Variants in MED27 observed in about 807,000 individuals in gnomAD.
MED27 encodes mediator of RNA polymerase II transcription subunit 27.
A neutral mutation model predicts 38.2 loss-of-function variants in MED27; 30 were observed. The observed-to-expected ratio is 0.79, with a 90% CI of 0.59 to 1.07. The LOEUF (loss-of-function observed/expected upper bound fraction) is 1.07, where lower values mean the gene tolerates loss of function less well. MED27 is among the 50% of genes least tolerant of loss of function. The pLI is 0.00. For missense variants in MED27, 289 were observed against 397.5 expected, an observed-to-expected ratio of 0.73 and a Z score of 2.32; for synonymous variants, 122 against 153.5, an observed-to-expected ratio of 0.79 and a Z score of 1.52.
chr9:132,079,515 CAAG>C, intron 1 of MED27, 124 bp downstream of exon 1: 1 of 854,450 alleles, frequency 1.2e-6, no homozygotes, highest in Non-Finnish European at 1.9e-6. Flanking sequence ...GCTTGGAGAA[CAAG>C]AAGAGAAAGA....
rs556567793 is a variant in MED27 at position 132,051,621 on chromosome 9, T to C, written c.348+25821A>G. Among the ~76,000 whole-genome samples, 16 of 152,354 alleles carry C rather than the reference T, an allele frequency of 1.1e-4. No homozygotes were observed. Among genetic ancestry groups the C allele is most frequent in the African/African-American group, 3.6e-4 (15 of 41,586 alleles). On this transcript the variant is annotated intron_variant, in intron 2 of 7. Coordinates refer to ENST00000292035, the MANE Select transcript of MED27 (RefSeq NM_004269.4). The surrounding 1 kb of genome is among the most constrained non-coding windows in gnomAD (Gnocchi z 4.2). Reference sequence around the variant, plus strand: ...GCCTCCAGATCTGTGTTGTCCAACATAGTGGCCACTGGCTACAGGAGGCTA... The same window carrying C: ...GCCTCCAGATCTGTGTTGTCCAACACAGTGGCCACTGGCTACAGGAGGCTA...
intron 3 of MED27, among the ~76,000 whole-genome samples, chr9:131,975,241 A>G (rs1296459547): frequency 6.6e-6 from 1 of 152,246 alleles, no homozygotes; most frequent in Non-Finnish European, 1.5e-5. Flanking sequence ...ATAGCAGCTT[A>G]GCATTGTACC....
intron 6 of MED27, chr9:131,869,318 T>C: frequency 1.0e-6 from 1 of 985,386 alleles, no homozygotes; most frequent in Non-Finnish European, 1.2e-6. Flanking sequence ...CAATATTTTT[T>C]TGTTTTACAT....
rs992977785 is a variant in MED27, at chr9:132,051,631, T to C, written c.348+25811A>G. Among the ~76,000 whole-genome samples the C allele has an allele frequency of 6.6e-6, 1 of 152,252 alleles. No individual in the cohort carries two copies. Among genetic ancestry groups the C allele is most frequent in the Admixed American group, 6.5e-5 (1 of 15,288 alleles). ...CTGTGTTGTCCAACATAGTGGCCACTGGCTACAGGAGGCTATTTAAGTTTA... is the reference window on the plus strand; with the variant it reads ...CTGTGTTGTCCAACATAGTGGCCACCGGCTACAGGAGGCTATTTAAGTTTA... On this transcript the variant is annotated intron_variant, in intron 2 of 7. Coordinates refer to ENST00000292035, the MANE Select transcript of MED27 (RefSeq NM_004269.4). The surrounding 1 kb of genome is among the most constrained non-coding windows in gnomAD (Gnocchi z 4.2).
intron 2 of MED27, among the ~76,000 whole-genome samples, chr9:132,035,178 A>G (rs895529890): frequency 6.6e-6 from 1 of 152,224 alleles, no homozygotes; most frequent in Non-Finnish European, 1.5e-5. Context: ...TCATTTGCCC[A>G]AAGTCACACA....
At chr9:131,910,261 A>G (rs1830163493) in intron 4 of MED27, among the ~76,000 whole-genome samples, 2 of 152,158 alleles carry the variant, frequency 1.3e-5, no homozygotes, top group Non-Finnish European at 2.9e-5. Flanking sequence ...CACACAATAA[A>G]TTATAGGAAT....
intron 6 of MED27, among the ~76,000 whole-genome samples, chr9:131,880,407 T>C (rs569219787): frequency 8.5e-5 from 13 of 152,368 alleles, no homozygotes; most frequent in African/African-American, 2.9e-4. Flanking sequence ...TTCAATGTTA[T>C]CTGCCTTTAG....
intron 3 of MED27, among the ~76,000 whole-genome samples, chr9:132,002,462 G>C (rs1313171102): frequency 6.6e-6 from 1 of 152,186 alleles, no homozygotes; most frequent in Non-Finnish European, 1.5e-5. Context: ...TCATGTTACT[G>C]AGGTCACTGT....
At chr9:131,890,691 C>G (rs186256862) in intron 5 of MED27, among the ~76,000 whole-genome samples, 3 of 152,196 alleles carry the variant, frequency 2.0e-5, no homozygotes, top group Non-Finnish European at 4.4e-5. Context: ...TACAGACAGA[C>G]AGTCACACGA....
intron 2 of MED27, among the ~76,000 whole-genome samples, chr9:132,023,816 T>C (rs1479655947): frequency 6.6e-6 from 1 of 152,030 alleles, no homozygotes; most frequent in Non-Finnish European, 1.5e-5. Context: ...CAAAAAAGTA[T>C]AGGAGTGGAA....
chr9:132,013,843 A>C (rs1832534313), intron 3 of MED27, among the ~76,000 whole-genome samples: 1 of 152,224 alleles, frequency 6.6e-6, no homozygotes, highest in Admixed American at 6.5e-5. Context: ...CTGTTTCACA[A>C]AGATCTATGC....
At chr9:132,046,037 C>A (rs926131604) in intron 2 of MED27, among the ~76,000 whole-genome samples, 5 of 152,178 alleles carry the variant, frequency 3.3e-5, no homozygotes, top group Non-Finnish European at 5.9e-5. Flanking sequence ...ACAGAGCTCC[C>A]AGACCAACTC....
At chr9:131,930,347 T>C (rs192919811) in intron 4 of MED27, among the ~76,000 whole-genome samples, 1 of 151,984 alleles carries the variant, frequency 6.6e-6, no homozygotes, top group Admixed American at 6.5e-5. Flanking sequence ...AAAGACAGGA[T>C]CCTAAAAGGA....
intron 3 of MED27, among the ~76,000 whole-genome samples, chr9:132,004,847 A>T (rs1016061820): frequency 1.1e-4 from 16 of 152,206 alleles, no homozygotes; most frequent in African/African-American, 3.9e-4. Flanking sequence ...ACACAGAGGA[A>T]CGAGCCTTCA....
chr9:132,000,047 C>T (rs898534082), intron 3 of MED27, among the ~76,000 whole-genome samples: 1 of 150,384 alleles, frequency 6.6e-6, no homozygotes, highest in Non-Finnish European at 1.5e-5. Flanking sequence ...AAAGGAAATT[C>T]TGAAAACCTG....
At chr9:131,915,686 T>C (rs1294984855) in intron 4 of MED27, among the ~76,000 whole-genome samples, 1 of 152,244 alleles carries the variant, frequency 6.6e-6, no homozygotes, top group Non-Finnish European at 1.5e-5. Flanking sequence ...CCCACTCCCA[T>C]GCCCACTGCC....
intron 4 of MED27, among the ~76,000 whole-genome samples, chr9:131,900,779 T>G (rs540188975): frequency 2.0e-5 from 3 of 151,868 alleles, no homozygotes; most frequent in Middle Eastern, 3.2e-3. Flanking sequence ...AAAAAAGAAT[T>G]AAAAAGAAGC....
At chr9:131,905,701 C>CAAAAAAAAAAAAAAAAAAAAAAAAAA in intron 4 of MED27, among the ~76,000 whole-genome samples, 2 of 60,922 alleles carry the variant, frequency 3.3e-5, no homozygotes, top group Non-Finnish European at 5.5e-5. Context: ...AAGACCTTGT[C>CAAAAAAAAAAAAAAAAAAAAAAAAAA]AAAAAAAAAA....
At chr9:132,073,749 T>TA (rs201020577) in intron 2 of MED27, 2,122 of 1,274,990 alleles carry the variant, frequency 1.7e-3, no homozygotes, top group Admixed American at 5.5e-3. Flanking sequence ...CTTTCTGTAA[T>TA]AAAAAAAAAA....
Sources: gnomAD v4.1 joint callset for allele counts (sites outside exome capture counted in the v4.1 genomes callset) on GRCh38, gnomAD v4.1.1 for gene constraint, Gnocchi (gnomAD v3.1) non-coding constraint, MANE v1.5 for transcripts, NCBI Gene and HGNC (gene_info 2026-07-23, HGNC 2026-07-21) for gene names.